Variants in SEC63 observed in about 807,000 individuals in gnomAD.
SEC63 encodes translocation protein SEC63 homolog.
A neutral mutation model predicts 116.2 loss-of-function variants in SEC63; 56 were observed. The observed-to-expected ratio is 0.48, with a 90% CI of 0.39 to 0.60. The LOEUF (loss-of-function observed/expected upper bound fraction) is 0.60. Among genes scored for constraint, SEC63 ranks in the 20% least tolerant of loss-of-function variants. The pLI, the probability that SEC63 is intolerant of heterozygous loss-of-function variation, is 0.00. For synonymous variants in SEC63, 273 were observed against 294.6 expected (o/e 0.93, Z 0.75); for missense variants, 668 against 900.0 (o/e 0.74, Z 3.30).
intron 11 of SEC63, among the ~76,000 whole-genome samples, chr6:107,904,128 A>T (rs1179492552): frequency 6.7e-6 from 1 of 149,892 alleles, no homozygotes; most frequent in East Asian, 2.0e-4. Context: ...CAAAAAAAAA[A>T]AAAACAAGAA....
intron 12 of SEC63, among the ~76,000 whole-genome samples, chr6:107,902,498 T>C (rs1296023093): frequency 6.6e-6 from 1 of 152,186 alleles, no homozygotes; most frequent in Non-Finnish European, 1.5e-5. Flanking sequence ...TTGTTGTTCA[T>C]GCTTAACCAG....
chr6:107,872,164 T>C (rs954050649), intron 20 of SEC63, among the ~76,000 whole-genome samples: 1 of 152,206 alleles, frequency 6.6e-6, no homozygotes, highest in African/African-American at 2.4e-5. Flanking sequence ...GAGTCATATC[T>C]TAACAGAAGC....
At chr6:107,949,849 C>A (rs993921316) in intron 1 of SEC63, among the ~76,000 whole-genome samples, 1 of 152,192 alleles carries the variant, frequency 6.6e-6, no homozygotes, top group Non-Finnish European at 1.5e-5. Context: ...GTTGCCCAGG[C>A]TGGTTCAAAC....
At chr6:107,905,253 T>C (rs1454632525) in intron 10 of SEC63, among the ~76,000 whole-genome samples, 1 of 152,266 alleles carries the variant, frequency 6.6e-6, no homozygotes, top group African/African-American at 2.4e-5. Flanking sequence ...GAGATGCTTA[T>C]GTATCTGTAC....
At chr6:107,892,252 G>A (rs1786699904) in intron 16 of SEC63, among the ~76,000 whole-genome samples, 2 of 152,170 alleles carry the variant, frequency 1.3e-5, no homozygotes, top group Non-Finnish European at 2.9e-5. Context: ...CCTGCCCAGA[G>A]AGGAGGCAGT....
At chr6:107,957,538 T>G (rs1220970827) in intron 1 of SEC63, 2 of 171,142 alleles carry the variant, frequency 1.2e-5, no homozygotes, top group Non-Finnish European at 2.5e-5. Context: ...GGCCAACTCT[T>G]TGCTCACCTC....
chr6:107,902,727 A>T, intron 12 of SEC63, 117 bp downstream of exon 12: 2 of 960,224 alleles, frequency 2.1e-6, no homozygotes, highest in Non-Finnish European at 3.3e-6. Context: ...TAGAGTATTT[A>T]AGACATTCTA....
chr6:107,871,390 T>C lies in SEC63; in HGVS notation c.*314A>G, dbSNP rs1786129504. On this transcript the variant is annotated 3_prime_UTR_variant, in exon 21 of 21. Coordinates refer to ENST00000369002, the MANE Select transcript of SEC63 (RefSeq NM_007214.5). ...ACTGTGTTTCCTGCATCTTTACTTT[T>C]ACTGGGACCATAGACTGATCAGATA... The C allele has an allele frequency of 3.5e-6, 1 of 287,632 alleles. No homozygotes were observed. The highest frequency in any genetic ancestry group is 4.7e-5 in the Admixed American group (1 of 21,286). 17.8% of individuals were successfully genotyped at this position (287,632 alleles called of 1,614,324 possible).
At chr6:107,875,142 G>A (rs758410409) in intron 19 of SEC63, among the ~76,000 whole-genome samples, 3 of 152,100 alleles carry the variant, frequency 2.0e-5, no homozygotes, top group Non-Finnish European at 2.9e-5. Flanking sequence ...GGAATTACAG[G>A]TGTAAGCCAC....
intron 16 of SEC63, 99 bp downstream of exon 16, chr6:107,893,383 A>C (rs956392034): frequency 2.5e-6 from 3 of 1,212,536 alleles, no homozygotes; most frequent in African/African-American, 3.0e-5. Context: ...ACGGGTGCAT[A>C]AATTATGTAA....
chr6:107,936,586 C>T (rs57686867), intron 1 of SEC63, among the ~76,000 whole-genome samples: 3,671 of 152,218 alleles, frequency 0.024, 124 homozygotes, highest in African/African-American at 0.083. Flanking sequence ...ACAGGAAATC[C>T]TAAGATCATA....
rs1422509900 is a variant in SEC63, at chr6:107,901,466, G to C, written c.1261C>G (p.His421Asp). 3 of 1,609,634 alleles carry C rather than the reference G, an allele frequency of 1.9e-6. No individual in the cohort carries two copies. The highest frequency in any genetic ancestry group is 3.3e-5 in the Admixed American group (2 of 59,958). Reference protein sequence around the residue: ...DLVSLKESDRHTLLHFLEDEK... With the variant: ...DLVSLKESDRDTLLHFLEDEK... ...TCTTCAAGGAAGTGCAGTAGAGTGT[G>C]ACGATCTGATTCTTTTAAACTCACC... The change falls in exon 13 of 21, where the codon CAC (histidine) becomes GAC (aspartate). Residue 421 changes from histidine (H) to aspartate (D), a missense_variant. Physicochemically the swap from His to Asp is moderately conservative, Grantham distance 81 (BLOSUM62 -1). This residue lies in a region of SEC63 where 430 missense variants were observed against 557.5 expected (regional missense o/e 0.77). Coordinates refer to ENST00000369002, the MANE Select transcript of SEC63 (RefSeq NM_007214.5).
chr6:107,944,866 G>A (rs1468837094), intron 1 of SEC63, among the ~76,000 whole-genome samples: 2 of 151,838 alleles, frequency 1.3e-5, no homozygotes, highest in Non-Finnish European at 2.9e-5. Flanking sequence ...GTACCTGTAC[G>A]GTCAAACAGT....
chr6:107,885,077 T>C (rs1019903322), intron 16 of SEC63, among the ~76,000 whole-genome samples: 2 of 152,158 alleles, frequency 1.3e-5, no homozygotes, highest in Non-Finnish European at 2.9e-5. Flanking sequence ...GGTAAAATAA[T>C]GTTTGCTTTC....
chr6:107,929,129 T>C (rs1336853938), intron 2 of SEC63, among the ~76,000 whole-genome samples: 2 of 152,204 alleles, frequency 1.3e-5, no homozygotes, highest in African/African-American at 4.8e-5. Flanking sequence ...GATTCCCCCA[T>C]AGTCTTTAAG....
chr6:107,948,640 C>T (rs992090785), intron 1 of SEC63, among the ~76,000 whole-genome samples: 2 of 152,136 alleles, frequency 1.3e-5, no homozygotes, highest in African/African-American at 4.8e-5. Flanking sequence ...CAAAATATGG[C>T]ATTTTGACAT....
intron 1 of SEC63, among the ~76,000 whole-genome samples, chr6:107,938,466 A>T (rs1056615666): frequency 1.3e-5 from 2 of 151,936 alleles, no homozygotes; most frequent in African/African-American, 4.8e-5. Flanking sequence ...GCTGGTTTCA[A>T]ACTCCTGGGC....
At chr6:107,875,564 A>C (rs935692579) in intron 19 of SEC63, among the ~76,000 whole-genome samples, 1 of 151,942 alleles carries the variant, frequency 6.6e-6, no homozygotes, top group Admixed American at 6.6e-5. Flanking sequence ...GGGCGTGGCT[A>C]ATTTTTACGG....
chr6:107,897,284 A>G (rs1207098568), intron 14 of SEC63, among the ~76,000 whole-genome samples: 1 of 152,196 alleles, frequency 6.6e-6, no homozygotes, highest in Non-Finnish European at 1.5e-5. Flanking sequence ...TAATTCTTAG[A>G]TTTTGAAATG....
Sources: gnomAD v4.1 joint callset for allele counts (sites outside exome capture counted in the v4.1 genomes callset) on GRCh38, gnomAD v4.1.1 for gene constraint, gnomAD v4.1.1 regional missense constraint, MANE v1.5 for transcripts, NCBI Gene and HGNC (gene_info 2026-07-23, HGNC 2026-07-21) for gene names.